PHF14: variants seen among roughly 807,000 people sequenced by gnomAD.
PHF14 encodes PHD finger protein 14.
A neutral mutation model predicts 117.9 loss-of-function variants in PHF14; 55 were observed. That is an observed-to-expected ratio of 0.47 (90% CI 0.38 to 0.58). PHF14 has a LOEUF of 0.58. PHF14 is among the 20% of genes least tolerant of loss of function. PHF14 has a pLI of 0.00. For synonymous variants in PHF14, 409 were observed against 368.6 expected (o/e 1.11, Z -1.26); for missense variants, 978 against 1,122.2 (o/e 0.87, Z 1.84).
chr7:11,036,465 A>G lies in PHF14; in HGVS notation c.1650A>G (p.Leu550=), dbSNP rs1019653473. ...AGCAGTATCGTGCCAAAGCAGAACT[A>G]GCTCGATCTACCAGACCCCAGGCCT... ...RLQQYRAKAE[L]ARSTRPQAWV... The change falls in exon 9 of 18, where the codon CTA becomes CTG. Residue 550 remains leucine (L), a synonymous_variant. Coordinates refer to ENST00000634607, the MANE Select transcript of PHF14 (RefSeq NM_001007157.2). The G allele has an allele frequency of 1.9e-6, 3 of 1,613,706 alleles. No homozygotes were observed. Among genetic ancestry groups the G allele is most frequent in the Non-Finnish European group, 2.5e-6 (3 of 1,179,646 alleles).
intron 17 of PHF14, among the ~76,000 whole-genome samples, chr7:11,156,121 C>A (rs1176009328): frequency 1.3e-5 from 2 of 152,086 alleles, no homozygotes; most frequent in African/African-American, 4.8e-5. Context: ...GGTAACAGTT[C>A]AAAACAGTTT....
chr7:11,035,839 A>C, intron 8 of PHF14, 53 bp downstream of exon 8: 1 of 1,414,020 alleles, frequency 7.1e-7, no homozygotes, highest in South Asian at 1.4e-5. Context: ...TTATGTAAGG[A>C]TTTTACGTCT....
intron 17 of PHF14, among the ~76,000 whole-genome samples, chr7:11,133,992 A>G (rs1459868023): frequency 1.3e-5 from 2 of 152,054 alleles, no homozygotes; most frequent in East Asian, 3.8e-4. Context: ...AAAGCTACTA[A>G]GTAGTAAGAG....
At chr7:11,015,581 T>A (rs1225068753) in intron 5 of PHF14, among the ~76,000 whole-genome samples, 1 of 152,032 alleles carries the variant, frequency 6.6e-6, no homozygotes, top group Non-Finnish European at 1.5e-5. Flanking sequence ...CTTTTTTTTT[T>A]AATAGCTATA....
chr7:11,136,282 A>AT (rs998829375), intron 17 of PHF14, among the ~76,000 whole-genome samples: 12 of 151,918 alleles, frequency 7.9e-5, no homozygotes, highest in African/African-American at 1.9e-4. Flanking sequence ...TTTAATTATA[A>AT]TTTTTTTTCA....
chr7:11,007,656 A>G (rs921777832), intron 4 of PHF14, among the ~76,000 whole-genome samples: 1 of 152,208 alleles, frequency 6.6e-6, no homozygotes, highest in Non-Finnish European at 1.5e-5. Flanking sequence ...AGAGAAAACT[A>G]TTTGCCTATC....
At chr7:11,145,454 G>T (rs1236876732) in intron 17 of PHF14, among the ~76,000 whole-genome samples, 1 of 152,026 alleles carries the variant, frequency 6.6e-6, no homozygotes, top group Non-Finnish European at 1.5e-5. Flanking sequence ...CTGAAAATGA[G>T]CAAATCTCCA....
intron 4 of PHF14, among the ~76,000 whole-genome samples, chr7:11,010,546 G>A (rs1053715186): frequency 2.0e-3 from 308 of 151,664 alleles, no homozygotes; most frequent in African/African-American, 7.1e-3. Flanking sequence ...TTAATTAAAT[G>A]AAATTAATTA....
At position 11,103,099 on chromosome 7, in the gene PHF14, G is replaced by A. The variant is rs950983795; in HGVS notation, c.2655-8251G>A. On this transcript the variant is annotated intron_variant, in intron 16 of 17. Transcript: ENST00000634607. ...AAACAACTATAGACTCATATTAAAT[G>A]TTATTTCTATTTATAATATTCAGCA... is the stretch of plus-strand genomic sequence containing the variant. 12 of 969,680 alleles carry A rather than the reference G, an allele frequency of 1.2e-5. No homozygotes were observed. In the African/African-American group the frequency reaches 1.9e-4, roughly 16 times the overall value. 60.1% of individuals were successfully genotyped at this position (969,680 alleles called of 1,614,324 possible). A position where few individuals can be genotyped will look rare whatever the true frequency, so the allele number is the denominator to read the frequency against.
At chr7:10,978,318 A>G (rs1395714723) in intron 2 of PHF14, among the ~76,000 whole-genome samples, 2 of 152,234 alleles carry the variant, frequency 1.3e-5, no homozygotes, top group Admixed American at 6.5e-5. Flanking sequence ...ATTAAATAAA[A>G]TAGTTGATAC....
At chr7:11,031,225 A>C (rs1479504926) in intron 7 of PHF14, among the ~76,000 whole-genome samples, 1 of 152,074 alleles carries the variant, frequency 6.6e-6, no homozygotes, top group East Asian at 1.9e-4. Context: ...GAATAAACAT[A>C]TCAGTTTCAT....
intron 17 of PHF14, among the ~76,000 whole-genome samples, chr7:11,162,072 C>CTTTTTTTTTTT (rs564998009): frequency 1.7e-4 from 12 of 70,274 alleles, no homozygotes; most frequent in African/African-American, 4.5e-4. Flanking sequence ...AAAAATATGT[C>CTTTTTTTTTTT]TTTTTTTTTT....
intron 17 of PHF14, among the ~76,000 whole-genome samples, chr7:11,125,752 A>G (rs1163364129): frequency 6.6e-6 from 1 of 152,034 alleles, no homozygotes. Context: ...GACTATATTC[A>G]TATGATAAAT....
intron 17 of PHF14, among the ~76,000 whole-genome samples, chr7:11,112,997 A>G (rs542481814): frequency 6.6e-6 from 1 of 152,162 alleles, no homozygotes; most frequent in Admixed American, 6.5e-5. Context: ...ATTTAAATGT[A>G]AAAATAATGA....
intron 16 of PHF14, among the ~76,000 whole-genome samples, chr7:11,098,898 G>A (rs1450628003): frequency 6.6e-6 from 1 of 152,156 alleles, no homozygotes; most frequent in Non-Finnish European, 1.5e-5. Flanking sequence ...TAAGATAAAT[G>A]TCTTTAGACT....
intron 16 of PHF14, among the ~76,000 whole-genome samples, chr7:11,064,012 A>G (rs1164166289): frequency 6.6e-6 from 1 of 151,932 alleles, no homozygotes. Context: ...AATATCGTAA[A>G]TTGTCTGCAA....
At chr7:11,114,815 C>G (rs1213954122) in intron 17 of PHF14, among the ~76,000 whole-genome samples, 1 of 151,998 alleles carries the variant, frequency 6.6e-6, no homozygotes, top group East Asian at 1.9e-4. Context: ...CTCGCATAGG[C>G]TATGCTTCAA....
chr7:11,164,068 T>C (rs902558103), intron 17 of PHF14, among the ~76,000 whole-genome samples: 3 of 152,206 alleles, frequency 2.0e-5, no homozygotes, highest in Non-Finnish European at 2.9e-5. Flanking sequence ...CTCTGGTTAG[T>C]AAAAGGAATA....
At chr7:11,042,846 A>T (rs761021556) in intron 13 of PHF14, 32 bp downstream of exon 13, 1 of 1,459,108 alleles carries the variant, frequency 6.9e-7, no homozygotes, top group Non-Finnish European at 9.4e-7. Flanking sequence ...TAGATGTTTG[A>T]ATTGATTTAC....
Sources: gnomAD v4.1 joint callset for allele counts (sites outside exome capture counted in the v4.1 genomes callset) on GRCh38, gnomAD v4.1.1 for gene constraint, MANE v1.5 for transcripts, NCBI Gene and HGNC (gene_info 2026-07-23, HGNC 2026-07-21) for gene names.